Variants in USH2A observed in about 807,000 individuals in gnomAD.
USH2A encodes Usher syndrome 2A (autosomal recessive, mild).
USH2A carries 443 observed loss-of-function variants against 538.9 expected under a neutral mutation model. That is an observed-to-expected ratio of 0.82 (90% CI 0.76 to 0.89). USH2A has a LOEUF of 0.89. USH2A is among the 40% of genes least tolerant of loss of function. The pLI, the probability that USH2A is intolerant of heterozygous loss-of-function variation, is 0.00. For synonymous variants in USH2A, 2,413 were observed against 2,273.5 expected (o/e 1.06, Z -1.75); for missense variants, 6,633 against 6,324.8 (o/e 1.05, Z -1.65).
At position 215,977,042 on chromosome 1, in the gene USH2A, A is replaced by G. The variant is rs775482618; in HGVS notation, c.6806-6266T>C. ...GGGGAGGCAGTTCCTACCAAAAACA[A>G]CAACAACAAACAAGCAAAACACATC... On this transcript the variant is annotated intron_variant, in intron 35 of 71. Transcript: ENST00000307340. Among the ~76,000 whole-genome samples the G allele has an allele frequency of 5.9e-5, 9 of 151,802 alleles. No homozygotes were observed. In the East Asian group the frequency reaches 1.4e-3, roughly 23 times the overall value.
In USH2A at chr1:215,759,788, A is replaced by T. The variant is rs143453173; in HGVS notation, c.11103T>A (p.Tyr3701Ter). Residue 3701 changes from tyrosine to a stop codon, truncating the protein, a stop_gained, in exon 57 of 72, where the codon TAT (tyrosine) becomes TAA (stop). Transcript: ENST00000307340. LOFTEE classifies it high-confidence loss of function. Reference sequence around the variant, plus strand: ...CATTGGGCTTTTCTGGCAGACTCCAATATAATTCCACTGTTGTAGAATTGA... The same window carrying T: ...CATTGGGCTTTTCTGGCAGACTCCATTATAATTCCACTGTTGTAGAATTGA... ...IIINSTTVEL[Y>*]WSLPEKPNGL... 2 of 1,614,058 alleles carry T rather than the reference A, an allele frequency of 1.2e-6. No individual in the cohort carries two copies. The highest frequency in any genetic ancestry group is 1.7e-6 in the Non-Finnish European group (2 of 1,179,958).
intron 67 of USH2A, among the ~76,000 whole-genome samples, chr1:215,645,144 G>C (rs531617196): frequency 4.6e-5 from 7 of 152,166 alleles, no homozygotes; most frequent in Non-Finnish European, 1.0e-4. Flanking sequence ...ACAAGACAAG[G>C]AGTTCTGCAG....
At chr1:216,247,449 ATTAC>A (rs944075366) in intron 12 of USH2A, among the ~76,000 whole-genome samples, 1 of 152,232 alleles carries the variant, frequency 6.6e-6, no homozygotes, top group African/African-American at 2.4e-5. Context: ...ATTTTTAATT[ATTAC>A]TTAATGCAAA....
chr1:216,333,040 T>C (rs2037900509), intron 4 of USH2A, among the ~76,000 whole-genome samples: 1 of 152,138 alleles, frequency 6.6e-6, no homozygotes, highest in Non-Finnish European at 1.5e-5. Flanking sequence ...TTAAATCAAC[T>C]ATTTTATATA....
At chr1:216,120,838 G>A (rs1306841781) in intron 21 of USH2A, among the ~76,000 whole-genome samples, 1 of 151,946 alleles carries the variant, frequency 6.6e-6, no homozygotes, top group Non-Finnish European at 1.5e-5. Flanking sequence ...GCGACACAGT[G>A]AGACTCCGTC....
Position 215,674,267 on chromosome 1 carries a change from G to T in USH2A, c.13644C>A (p.Ile4548=), listed in dbSNP as rs759502406. 1 of 1,614,148 alleles carries T rather than the reference G, an allele frequency of 6.2e-7. No homozygotes were observed. The highest frequency in any genetic ancestry group is 1.1e-5 in the South Asian group (1 of 91,086). Residue 4548 remains isoleucine, a synonymous_variant, in exon 63 of 72, where the codon ATC becomes ATA. Coordinates refer to ENST00000307340, the MANE Select transcript of USH2A (RefSeq NM_206933.4). ...TCACTGGAGGGTCCCAGTTCACTAA[G>T]ATCTCCTGAGGACCCCTGGCCTGCA... ...PKLQARGPQE[I]LVNWDPPVRT... is the part of the protein sequence containing the mutation.
rs1356434242 is a variant in USH2A, at chr1:216,292,065, T to C, written c.1840+110A>G. 7 of 1,279,880 alleles carry C rather than the reference T, an allele frequency of 5.5e-6. No individual in the cohort carries two copies. The East Asian group carries it at 1.5e-4, about 27-fold the overall frequency. 79.3% of individuals were successfully genotyped at this position (1,279,880 alleles called of 1,614,324 possible). A position where few individuals can be genotyped will look rare whatever the true frequency, so the allele number is the denominator to read the frequency against. On this transcript the variant is annotated intron_variant, in intron 10 of 71. Coordinates refer to ENST00000307340, the MANE Select transcript of USH2A (RefSeq NM_206933.4). Reference sequence around the variant, plus strand: ...GCTTTGATTTTCAAACTTAAAGGTATGAAAGTACATCCTTAAATAAGATAG... The same window carrying C: ...GCTTTGATTTTCAAACTTAAAGGTACGAAAGTACATCCTTAAATAAGATAG...
chr1:215,862,177 C>A (rs1457632254), intron 44 of USH2A, among the ~76,000 whole-genome samples: 2 of 152,120 alleles, frequency 1.3e-5, no homozygotes, highest in African/African-American at 4.8e-5. Context: ...AAATTTCTAT[C>A]TTTTAGCCAA....
intron 61 of USH2A, among the ~76,000 whole-genome samples, chr1:215,704,803 G>C (rs1183404688): frequency 6.6e-6 from 1 of 152,126 alleles, no homozygotes; most frequent in Admixed American, 6.5e-5. Context: ...TCTCCATTTG[G>C]AAGAGTGTCT....
intron 21 of USH2A, among the ~76,000 whole-genome samples, chr1:216,107,164 G>A (rs1337036297): frequency 1.3e-5 from 2 of 151,754 alleles, no homozygotes; most frequent in Non-Finnish European, 3.0e-5. Flanking sequence ...TTGATAGTGT[G>A]TTTGATTTTT....
intron 3 of USH2A, among the ~76,000 whole-genome samples, chr1:216,386,385 T>G (rs1425325459): frequency 6.7e-6 from 1 of 148,812 alleles, no homozygotes; most frequent in Non-Finnish European, 1.5e-5. Flanking sequence ...TAGTCCAAGC[T>G]ACTCGGGAGG....
chr1:216,216,022 C>G (rs2035335674), intron 15 of USH2A, among the ~76,000 whole-genome samples: 1 of 152,106 alleles, frequency 6.6e-6, no homozygotes, highest in Admixed American at 6.5e-5. Context: ...GTGGCAGAAC[C>G]AATCAGAAAT....
intron 38 of USH2A, among the ~76,000 whole-genome samples, chr1:215,901,984 T>A (rs1407065066): frequency 6.6e-6 from 1 of 152,154 alleles, no homozygotes; most frequent in Non-Finnish European, 1.5e-5. Context: ...ATCATATAAA[T>A]AAAGCACCTG....
chr1:216,175,161 T>C, intron 21 of USH2A, 91 bp downstream of exon 21: 1 of 1,572,434 alleles, frequency 6.4e-7, no homozygotes, highest in East Asian at 2.4e-5. Context: ...TAAGTAGGTA[T>C]AATAAAAATT....
At chr1:215,979,141 C>T (rs1028321709) in intron 35 of USH2A, among the ~76,000 whole-genome samples, 7 of 152,066 alleles carry the variant, frequency 4.6e-5, no homozygotes, top group East Asian at 3.9e-4. Flanking sequence ...GCAGGTAAGA[C>T]AGCTTTTGCA....
At chr1:216,338,363 A>G (rs2038014665) in intron 4 of USH2A, among the ~76,000 whole-genome samples, 1 of 151,548 alleles carries the variant, frequency 6.6e-6, no homozygotes, top group East Asian at 1.9e-4. Context: ...ATCAGTGAGG[A>G]AATAATGTGT....
At chr1:216,166,275 T>A (rs945808698) in intron 21 of USH2A, among the ~76,000 whole-genome samples, 2 of 151,984 alleles carry the variant, frequency 1.3e-5, no homozygotes, top group African/African-American at 4.8e-5. Flanking sequence ...AAGGTATCAA[T>A]ATGTTCAAAG....
At position 215,993,013 on chromosome 1, in the gene USH2A, C is replaced by A; in HGVS notation, c.6805+7G>T. On this transcript the variant is annotated splice_region_variant and intron_variant, in intron 35 of 71. Transcript: ENST00000307340. ...TTTTTAACTTGAGGCTAAAAGAGTT[C>A]ACTTACCATTCGGATATTCAGGCTC... 1.2e-6 allele frequency: 2 copies of A among 1,614,038 alleles called. No homozygotes were observed. Among genetic ancestry groups the A allele is most frequent in the South Asian group, 2.2e-5 (2 of 91,070 alleles).
intron 21 of USH2A, among the ~76,000 whole-genome samples, chr1:216,153,055 G>A (rs928798190): frequency 1.3e-5 from 2 of 152,082 alleles, no homozygotes. Context: ...AACTCCAGGG[G>A]AAGATCATCT....
Sources: allele counts gnomAD v4.1 joint callset (sites outside exome capture counted in the v4.1 genomes callset), GRCh38; gene constraint gnomAD v4.1.1; transcripts MANE v1.5; gene names NCBI Gene and HGNC (gene_info 2026-07-23, HGNC 2026-07-21).